Variants in SUGCT observed in about 807,000 individuals in gnomAD.
SUGCT encodes the protein succinyl-CoA:glutarate-CoA transferase, also known as succinyl-CoA:glutarate CoA-transferase.
A neutral mutation model predicts 55.0 loss-of-function variants in SUGCT; 41 were observed. That is an observed-to-expected ratio of 0.74 (90% CI 0.58 to 0.97). SUGCT has a LOEUF of 0.97. Among genes scored for constraint, SUGCT ranks in the 50% least tolerant of loss-of-function variants. The pLI is 0.00. For missense variants in SUGCT, 568 were observed against 547.8 expected (o/e 1.04, Z -0.37); for synonymous variants, 187 against 200.4 (o/e 0.93, Z 0.56).
chr7:40,631,320 A>T (rs1189734326), intron 12 of SUGCT, among the ~76,000 whole-genome samples: 1 of 152,180 alleles, frequency 6.6e-6, no homozygotes, highest in East Asian at 1.9e-4. Context: ...TTTCTTCCTA[A>T]GCTTGGCTGT....
chr7:40,439,064 G>GTGTA (rs1283539157), intron 9 of SUGCT, among the ~76,000 whole-genome samples: 1,350 of 27,130 alleles, frequency 0.05, 236 homozygotes, highest in African/African-American at 0.068. Flanking sequence ...TATATATGGT[G>GTGTA]TATATATATA....
intron 9 of SUGCT, chr7:40,387,998 A>T (rs899230475): frequency 6.6e-6 from 1 of 152,168 alleles, no homozygotes; most frequent in Non-Finnish European, 1.5e-5. Flanking sequence ...CCTCTCCCCA[A>T]ATGTGGGGCA....
chr7:41,037,503 C>CT, the SUGCT span, among the ~76,000 whole-genome samples: 156 of 144,404 alleles, frequency 1.1e-3, no homozygotes, highest in Middle Eastern at 3.6e-3. Context: ...TGTGCTCAGC[C>CT]TTTTTTTTTT....
intron 13 of SUGCT, among the ~76,000 whole-genome samples, chr7:40,764,381 A>T (rs529626564): frequency 6.6e-6 from 1 of 152,260 alleles, no homozygotes; most frequent in East Asian, 1.9e-4. Flanking sequence ...TTTTTTAGCC[A>T]TCAGGACTGA....
intron 12 of SUGCT, among the ~76,000 whole-genome samples, chr7:40,676,733 C>T (rs149975963): frequency 8.2e-4 from 125 of 152,090 alleles, no homozygotes; most frequent in African/African-American, 2.7e-3. Flanking sequence ...GAACTCCTGA[C>T]GTCAGGTGAT....
intron 6 of SUGCT, among the ~76,000 whole-genome samples, chr7:40,226,537 T>C (rs1413057513): frequency 1.3e-5 from 2 of 150,102 alleles, no homozygotes; most frequent in Non-Finnish European, 1.5e-5. Flanking sequence ...GAATTAACTC[T>C]ATAAAAGTAA....
At chr7:40,724,866 A>G (rs1786533224) in intron 12 of SUGCT, among the ~76,000 whole-genome samples, 1 of 152,156 alleles carries the variant, frequency 6.6e-6, no homozygotes, top group South Asian at 2.1e-4. Context: ...AAACATTGCT[A>G]TTTAAGGTTT....
chr7:40,991,745 T>A, the SUGCT span, among the ~76,000 whole-genome samples: 1 of 152,146 alleles, frequency 6.6e-6, no homozygotes, highest in Non-Finnish European at 1.5e-5. Flanking sequence ...ATTTTCACCT[T>A]CAGCCCCTGT....
intron 10 of SUGCT, among the ~76,000 whole-genome samples, chr7:40,455,164 A>G (rs542475615): frequency 5.3e-5 from 8 of 152,296 alleles, no homozygotes; most frequent in Non-Finnish European, 5.9e-5. Flanking sequence ...TCTAACTACA[A>G]TGCGAAAAGT....
intron 9 of SUGCT, among the ~76,000 whole-genome samples, chr7:40,373,995 TTTG>T (rs574683878): frequency 4.6e-5 from 7 of 152,298 alleles, no homozygotes; most frequent in East Asian, 3.9e-4. Context: ...CTGGTTAATT[TTTG>T]TTGTTGTTGT....
chr7:40,225,256 T>G (rs1477100249), intron 6 of SUGCT, among the ~76,000 whole-genome samples: 1 of 152,192 alleles, frequency 6.6e-6, no homozygotes, highest in African/African-American at 2.4e-5. Flanking sequence ...CCAATTTATT[T>G]ACCTTTGGTG....
chr7:40,629,449 C>T (rs975829110), intron 12 of SUGCT, among the ~76,000 whole-genome samples: 1 of 152,104 alleles, frequency 6.6e-6, no homozygotes, highest in African/African-American at 2.4e-5. Flanking sequence ...GCCTCACAGA[C>T]AAGAGGCAGA....
intron 12 of SUGCT, among the ~76,000 whole-genome samples, chr7:40,562,298 C>CAAA (rs113046606): frequency 2.2e-4 from 20 of 92,020 alleles, no homozygotes; most frequent in Non-Finnish European, 2.8e-4. Context: ...GATTCCGTCT[C>CAAA]AAAAAAAAAA....
intron 12 of SUGCT, among the ~76,000 whole-genome samples, chr7:40,609,827 C>T (rs768099204): frequency 1.2e-4 from 18 of 152,128 alleles, no homozygotes; most frequent in South Asian, 6.2e-4. Flanking sequence ...CATTTCAAAA[C>T]GCTAAGTGAT....
intron 11 of SUGCT, among the ~76,000 whole-genome samples, chr7:40,467,692 T>TC (rs1367439435): frequency 1.3e-5 from 2 of 152,156 alleles, no homozygotes; most frequent in Non-Finnish European, 2.9e-5. Context: ...AAACTGTAAT[T>TC]CTTATAAGAC....
the SUGCT span, among the ~76,000 whole-genome samples, chr7:40,885,988 T>C: frequency 6.6e-6 from 1 of 152,200 alleles, no homozygotes; most frequent in Non-Finnish European, 1.5e-5. Context: ...TTTAAGAGAC[T>C]TTACAGAAGC....
chr7:40,193,408 C>T (rs1786046296), intron 5 of SUGCT, among the ~76,000 whole-genome samples: 2 of 150,918 alleles, frequency 1.3e-5, no homozygotes, highest in African/African-American at 4.9e-5. Flanking sequence ...CCTCAGCCTC[C>T]TGAGTAGCTG....
intron 7 of SUGCT, among the ~76,000 whole-genome samples, chr7:40,260,384 TG>T (rs2150960577): frequency 6.6e-6 from 1 of 152,346 alleles, no homozygotes; most frequent in East Asian, 1.9e-4. Context: ...TATATGAATT[TG>T]GAATCTTTAA....
At chr7:40,749,328 G>C (rs1264020818) in intron 12 of SUGCT, 106 bp from the exon 13 acceptor site, 2 of 856,424 alleles carry the variant, frequency 2.3e-6, no homozygotes, top group East Asian at 2.4e-5. Flanking sequence ...TCTGTGTTTT[G>C]CCATATCTTT....
Sources: gnomAD v4.1 joint callset for allele counts (sites outside exome capture counted in the v4.1 genomes callset) on GRCh38, gnomAD v4.1.1 for gene constraint, MANE v1.5 for transcripts, NCBI Gene and HGNC (gene_info 2026-07-23, HGNC 2026-07-21) for gene names.